Variants in KIF2C observed in about 807,000 individuals in gnomAD.
The protein encoded by KIF2C is kinesin-like protein KIF2C.
KIF2C carries 34 observed loss-of-function variants against 97.4 expected under a neutral mutation model. The ratio of observed to expected loss-of-function variants is 0.35; its 90% CI spans 0.27 to 0.46. KIF2C has a LOEUF of 0.46. KIF2C is among the 20% of genes least tolerant of loss of function. KIF2C has a pLI of 1.00. For synonymous variants in KIF2C, 313 were observed against 318.2 expected (o/e 0.98, Z 0.17); for missense variants, 750 against 907.6 (o/e 0.83, Z 2.23).
chr1:44,740,035 C>T (rs745340537), intron 1 of KIF2C, 33 bp downstream of exon 1: 2 of 1,613,622 alleles, frequency 1.2e-6, no homozygotes, highest in Admixed American at 1.7e-5. Flanking sequence ...CAAGGGGACT[C>T]GTGAGCGGTG....
intron 13 of KIF2C, 94 bp downstream of exon 13, chr1:44,758,234 GCTGA>G: frequency 7.9e-6 from 3 of 378,630 alleles, no homozygotes; most frequent in Non-Finnish European, 1.1e-5. Context: ...AAACCTATTA[GCTGA>G]TTAGCTGTCA....
Position 44,760,771 on chromosome 1 carries a change from T to C in KIF2C, c.1683+69T>C. On this transcript the variant is annotated intron_variant, in intron 16 of 20. Transcript: ENST00000372224. The surrounding 1 kb of genome is among the most constrained non-coding windows in gnomAD (Gnocchi z 4.2). ...AGTTGCTTTCCACAGAGACACTTAG[T>C]CCTGTCCCTGGGCTGGAAGCTCAGC... is the stretch of plus-strand genomic sequence containing the variant. The C allele has an allele frequency of 1.6e-6, 2 of 1,281,204 alleles. No individual in the cohort carries two copies. Among genetic ancestry groups the C allele is most frequent in the Non-Finnish European group, 2.3e-6 (2 of 887,904 alleles). 79.4% of individuals were successfully genotyped at this position (1,281,204 alleles called of 1,614,324 possible).
intron 2 of KIF2C, 88 bp from the exon 3 acceptor site, chr1:44,747,296 A>G (rs1180097131): frequency 8.2e-6 from 9 of 1,093,892 alleles, no homozygotes; most frequent in Non-Finnish European, 1.2e-5. Context: ...CGACAGAGCG[A>G]TACTCTGTCT....
chr1:44,757,702 C>T, intron 11 of KIF2C, 56 bp downstream of exon 11: 2 of 1,299,720 alleles, frequency 1.5e-6, no homozygotes, highest in South Asian at 1.2e-5. Context: ...CCCTGGCTCC[C>T]TATAAAGGGA....
intron 19 of KIF2C, among the ~76,000 whole-genome samples, chr1:44,766,270 C>G (rs1027211561): frequency 1.1e-4 from 16 of 151,888 alleles, no homozygotes; most frequent in Admixed American, 3.3e-4. Flanking sequence ...CTAGCTTGGG[C>G]ATCAGGACCA....
At chr1:44,751,922 A>T (rs1160665820) in intron 5 of KIF2C, among the ~76,000 whole-genome samples, 2 of 137,660 alleles carry the variant, frequency 1.5e-5, no homozygotes, top group Non-Finnish European at 3.1e-5. Context: ...CCCCTGTTCA[A>T]GCCATTCTCT....
intron 5 of KIF2C, among the ~76,000 whole-genome samples, chr1:44,751,168 T>A (rs959495445): frequency 1.3e-5 from 2 of 149,884 alleles, no homozygotes; most frequent in African/African-American, 2.5e-5. Flanking sequence ...TTAATTAGCT[T>A]TTTTTCTTTC....
At chr1:44,746,720 C>T (rs905356372) in intron 2 of KIF2C, 1 of 1,609,812 alleles carries the variant, frequency 6.2e-7, no homozygotes. Context: ...CTGACGTCTA[C>T]CATTGGCTTG....
chr1:44,763,807 G>A lies in KIF2C; in HGVS notation c.1971+1149G>A, dbSNP rs186769467. On this transcript the variant is annotated intron_variant, in intron 19 of 20. Transcript: ENST00000372224. ...TCCCAACACGTTGGGAGGCCGAGGC[G>A]GGTGGATCATGAGGTCAGGAGTTCG... Among the ~76,000 whole-genome samples, 5 of 152,218 alleles carry A rather than the reference G, an allele frequency of 3.3e-5. No individual in the cohort carries two copies. The East Asian group carries it at 7.7e-4, about 24-fold the overall frequency.
intron 7 of KIF2C, 36 bp downstream of exon 7, chr1:44,753,869 G>T (rs760598123): frequency 2.2e-6 from 3 of 1,354,966 alleles, no homozygotes; most frequent in South Asian, 1.3e-5. Flanking sequence ...AGGGTTTTTG[G>T]ACAGGTGTCC....
Position 44,760,014 on chromosome 1 carries a change from A to T in KIF2C, c.1368-266A>T, listed in dbSNP as rs1250203652. On this transcript the variant is annotated intron_variant, in intron 14 of 20. Coordinates refer to ENST00000372224, the MANE Select transcript of KIF2C (RefSeq NM_006845.4). The surrounding 1 kb of genome is among the most constrained non-coding windows in gnomAD (Gnocchi z 4.2). ...TTGGGCCCTTTAGCAGAGGGAATTTATCCTTCCCCGTGTCCTTCTAGGGCT... is the reference window on the plus strand; with the variant it reads ...TTGGGCCCTTTAGCAGAGGGAATTTTTCCTTCCCCGTGTCCTTCTAGGGCT... 6.6e-6 allele frequency among the ~76,000 whole-genome samples: 1 copy of T among 152,100 alleles called. No homozygotes were observed. Among genetic ancestry groups the T allele is most frequent in the Non-Finnish European group, 1.5e-5 (1 of 68,002 alleles).
chr1:44,750,580 G>T lies in KIF2C; in HGVS notation c.439+16G>T, dbSNP rs765422410. The T allele has an allele frequency of 2.0e-6, 3 of 1,511,886 alleles. No individual in the cohort carries two copies. The highest frequency in any genetic ancestry group is 2.7e-6 in the Non-Finnish European group (3 of 1,121,138). The allele number at this position is 1,511,886 out of a possible 1,614,324, so 93.7% of individuals were successfully genotyped here. On this transcript the variant is annotated intron_variant, in intron 5 of 20. Transcript: ENST00000372224. ...TCAGTTCCTCGTGAGTAACGAATGTGCCCCCAACCACCATGTTTGAGGCCC... is the reference window on the plus strand; with the variant it reads ...TCAGTTCCTCGTGAGTAACGAATGTTCCCCCAACCACCATGTTTGAGGCCC...
chr1:44,764,868 C>G (rs988479413), intron 19 of KIF2C, among the ~76,000 whole-genome samples: 3 of 152,134 alleles, frequency 2.0e-5, no homozygotes, highest in African/African-American at 7.2e-5. Flanking sequence ...GCCTGTAATC[C>G]TGTCACTTTG....
At chr1:44,761,112 T>G (rs1446302713) in intron 16 of KIF2C, 6 of 192,198 alleles carry the variant, frequency 3.1e-5, no homozygotes, top group Non-Finnish European at 6.5e-5. Context: ...TGTCCTTGAA[T>G]GACGTCCTCT....
At chr1:44,757,532 A>G (rs768197710) in intron 10 of KIF2C, 24 bp from the exon 11 acceptor site, 18 of 1,499,896 alleles carry the variant, frequency 1.2e-5, no homozygotes, top group Middle Eastern at 1.7e-4. Context: ...GGGAACAGAT[A>G]CAAATACTCT....
intron 2 of KIF2C, chr1:44,746,512 G>A: frequency 7.8e-7 from 1 of 1,286,992 alleles, no homozygotes. Flanking sequence ...ATCCTAAAGG[G>A]CCCCCATTTG....
chr1:44,746,719 A>G lies in KIF2C; in HGVS notation c.166-665A>G, dbSNP rs951466534. 7 of 1,609,858 alleles carry G rather than the reference A, an allele frequency of 4.3e-6. No homozygotes were observed. In the Admixed American group the frequency reaches 6.7e-5, roughly 15 times the overall value. Reference sequence around the variant, plus strand: ...CACCTCATTCTCATCACTGACGTCTACCATTGGCTTGGAAATCAGAAACCC... The same window carrying G: ...CACCTCATTCTCATCACTGACGTCTGCCATTGGCTTGGAAATCAGAAACCC... On this transcript the variant is annotated intron_variant, in intron 2 of 20. Coordinates refer to ENST00000372224, the MANE Select transcript of KIF2C (RefSeq NM_006845.4).
chr1:44,762,649 G>C lies in KIF2C; in HGVS notation c.1962G>C (p.Glu654Asp). 1.2e-6 allele frequency: 2 copies of C among 1,611,852 alleles called. No homozygotes were observed. The highest frequency in any genetic ancestry group is 1.7e-6 in the Non-Finnish European group (2 of 1,178,044). Residue 654 changes from glutamate (E) to aspartate (D), a missense_variant, in exon 19 of 21, where the codon GAG (glutamate) becomes GAC (aspartate). Glu to Asp is a conservative substitution (Grantham distance 45). Coordinates refer to ENST00000372224, the MANE Select transcript of KIF2C (RefSeq NM_006845.4). ...AGAAGGCTATGGAAGAGCTCAAGGAGATCATACAGGTAGGCAGCTGGCCCT... is the reference window on the plus strand; with the variant it reads ...AGAAGGCTATGGAAGAGCTCAAGGACATCATACAGGTAGGCAGCTGGCCCT... ...LEEKAMEELK[E>D]IIQQGPDWLE...
In KIF2C at chr1:44,756,065, CCTT is replaced by C. The variant is rs1553156247; in HGVS notation, c.815-7_815-5del. ...CAGGGAGCACCCCCTGAAATACTCT[CCTT>C]CTGCAGAATTGGCCAAGAAAGAAAT... is the stretch of plus-strand genomic sequence containing the variant. On this transcript the variant is annotated splice_region_variant and splice_polypyrimidine_tract_variant and intron_variant, in intron 9 of 20. Transcript: ENST00000372224. 1.2e-6 allele frequency: 2 copies of C among 1,614,194 alleles called. No individual in the cohort carries two copies. The highest frequency in any genetic ancestry group is 8.5e-7 in the Non-Finnish European group (1 of 1,180,014).
Sources: allele counts gnomAD v4.1 joint callset (sites outside exome capture counted in the v4.1 genomes callset), GRCh38; gene constraint gnomAD v4.1.1; non-coding constraint Gnocchi (gnomAD v3.1); transcripts MANE v1.5; gene names NCBI Gene and HGNC (gene_info 2026-07-23, HGNC 2026-07-21).